ATP6V1E1: variants seen among roughly 807,000 people sequenced by gnomAD.
The protein encoded by ATP6V1E1 is V-type proton ATPase subunit E 1.
A neutral mutation model predicts 35.2 loss-of-function variants in ATP6V1E1; 21 were observed. That is an observed-to-expected ratio of 0.60 (90% CI 0.42 to 0.86). The LOEUF (loss-of-function observed/expected upper bound fraction) is 0.86. ATP6V1E1 is among the 40% of genes least tolerant of loss of function. The probability of loss-of-function intolerance (pLI) is 0.00; values close to 1 mark genes in which losing one functional copy is unlikely to be tolerated. For synonymous variants in ATP6V1E1, 83 were observed against 87.8 expected, an observed-to-expected ratio of 0.95 and a Z score of 0.30; for missense variants, 183 against 272.6, an observed-to-expected ratio of 0.67 and a Z score of 2.32.
intron 1 of ATP6V1E1, among the ~76,000 whole-genome samples, chr22:17,621,978 C>T (rs1386167327): frequency 2.6e-5 from 4 of 152,054 alleles, no homozygotes; most frequent in South Asian, 2.1e-4. Flanking sequence ...TGAAGGCTTC[C>T]GAATGGGGCT....
intron 7 of ATP6V1E1, 187 bp downstream of exon 7, chr22:17,598,007 C>T: frequency 1.8e-6 from 1 of 566,860 alleles, no homozygotes; most frequent in South Asian, 2.2e-5. Flanking sequence ...ATTTAGCCAG[C>T]CAACAAGGGA....
intron 7 of ATP6V1E1, 72 bp from the exon 8 acceptor site, chr22:17,594,688 C>T (rs745471844): frequency 1.0e-5 from 13 of 1,268,864 alleles, no homozygotes; most frequent in African/African-American, 6.1e-5. Flanking sequence ...CCTTTACTCC[C>T]GCAGAGGAAT....
chr22:17,592,875 C>T, intron 8 of ATP6V1E1, 139 bp from the exon 9 acceptor site: 1 of 726,698 alleles, frequency 1.4e-6, no homozygotes, highest in Non-Finnish European at 2.3e-6. Context: ...CATCTCCGCT[C>T]ATTGCAAGCT....
intron 2 of ATP6V1E1, among the ~76,000 whole-genome samples, chr22:17,615,713 C>T (rs1236049422): frequency 6.6e-6 from 1 of 151,926 alleles, no homozygotes; most frequent in Non-Finnish European, 1.5e-5. Context: ...GTCTGGCCAA[C>T]ATGGTGAAAC....
chr22:17,606,253 T>C (rs1414692310), intron 4 of ATP6V1E1, among the ~76,000 whole-genome samples: 3 of 152,234 alleles, frequency 2.0e-5, no homozygotes, highest in Non-Finnish European at 4.4e-5. Context: ...TTTGTCAATA[T>C]CCTTTTCTAA....
intron 4 of ATP6V1E1, among the ~76,000 whole-genome samples, chr22:17,608,681 G>GC (rs2057797980): frequency 6.6e-6 from 1 of 152,172 alleles, no homozygotes; most frequent in African/African-American, 2.4e-5. Flanking sequence ...TCCCACCTTG[G>GC]CCTCATAAAG....
chr22:17,614,684 G>T (rs2057833457), intron 2 of ATP6V1E1, among the ~76,000 whole-genome samples: 1 of 131,758 alleles, frequency 7.6e-6, no homozygotes, highest in African/African-American at 2.9e-5. Context: ...AAAAAAAAAA[G>T]TTGCCTGGGC....
chr22:17,600,641 T>C (rs1601375799), intron 5 of ATP6V1E1: 4 of 154,736 alleles, frequency 2.6e-5, no homozygotes, highest in Admixed American at 1.3e-4. Flanking sequence ...GCAGACATCT[T>C]ATATTACATC....
intron 1 of ATP6V1E1, among the ~76,000 whole-genome samples, chr22:17,627,979 G>T (rs2057928232): frequency 6.9e-6 from 1 of 144,602 alleles, no homozygotes; most frequent in East Asian, 2.0e-4. Flanking sequence ...GACAAGGCTG[G>T]TTTGTTTTTT....
intron 4 of ATP6V1E1, among the ~76,000 whole-genome samples, chr22:17,601,392 C>T (rs992858751): frequency 2.6e-5 from 4 of 152,138 alleles, no homozygotes; most frequent in African/African-American, 7.2e-5. Context: ...AGGGAGTCCA[C>T]GGCCTAGCAG....
chr22:17,615,409 C>T (rs1249423217), intron 2 of ATP6V1E1, among the ~76,000 whole-genome samples: 2 of 152,004 alleles, frequency 1.3e-5, no homozygotes, highest in African/African-American at 2.4e-5. Flanking sequence ...CTTTGGGAGG[C>T]CGAGGTAGGC....
At chr22:17,611,889 T>A (rs1224372221) in intron 4 of ATP6V1E1, among the ~76,000 whole-genome samples, 1 of 152,232 alleles carries the variant, frequency 6.6e-6, no homozygotes, top group African/African-American at 2.4e-5. Flanking sequence ...TGTCTTCCAT[T>A]TTTTCAAGTT....
chr22:17,610,023 T>C (rs996710998), intron 4 of ATP6V1E1, among the ~76,000 whole-genome samples: 3 of 152,082 alleles, frequency 2.0e-5, no homozygotes, highest in South Asian at 4.1e-4. Flanking sequence ...CCCAGCTACA[T>C]AGGAGGCTGA....
At chr22:17,619,107 C>T (rs959764341) in intron 2 of ATP6V1E1, 5 of 454,382 alleles carry the variant, frequency 1.1e-5, no homozygotes, top group African/African-American at 8.0e-5. Flanking sequence ...TCCTGGCCAA[C>T]ACGGTGAAAC....
chr22:17,605,448 T>G (rs930869048), intron 4 of ATP6V1E1, among the ~76,000 whole-genome samples: 3 of 151,822 alleles, frequency 2.0e-5, no homozygotes, highest in Non-Finnish European at 4.4e-5. Context: ...GAGAATCACT[T>G]GAACCCAGGA....
chr22:17,592,562 G>T lies in ATP6V1E1; in HGVS notation c.*112C>A. ...GAGGGGCATCGCTGATAAATACAGA[G>T]CAATACTGGGGCAGTGAAGAGGAAG... is the stretch of plus-strand genomic sequence containing the variant. On this transcript the variant is annotated 3_prime_UTR_variant, in exon 9 of 9. Coordinates refer to ENST00000253413, the MANE Select transcript of ATP6V1E1 (RefSeq NM_001696.4). The T allele has an allele frequency of 9.1e-7, 1 of 1,099,774 alleles. No homozygotes were observed. Among genetic ancestry groups the T allele is most frequent in the African/African-American group, 1.6e-5 (1 of 64,234 alleles). The allele number at this position is 1,099,774 out of a possible 1,614,324, so 68.1% of individuals were successfully genotyped here.
At chr22:17,613,347 T>A (rs976952211) in intron 2 of ATP6V1E1, 27 bp from the exon 3 acceptor site, 9 of 1,583,832 alleles carry the variant, frequency 5.7e-6, no homozygotes, top group Non-Finnish European at 7.8e-6. Flanking sequence ...CAATATTAAT[T>A]CATTACATCA....
chr22:17,606,317 G>A (rs527565709), intron 4 of ATP6V1E1, among the ~76,000 whole-genome samples: 2 of 152,124 alleles, frequency 1.3e-5, no homozygotes, highest in East Asian at 1.9e-4. Context: ...GATAAAACTA[G>A]AAGTAAAAAG....
chr22:17,596,123 C>T (rs1032182508), intron 7 of ATP6V1E1, among the ~76,000 whole-genome samples: 41 of 146,790 alleles, frequency 2.8e-4, no homozygotes, highest in African/African-American at 9.9e-4. Context: ...GAGTGAGACT[C>T]TGTCTCAAAA....
Sources: allele counts gnomAD v4.1 joint callset (sites outside exome capture counted in the v4.1 genomes callset), GRCh38; gene constraint gnomAD v4.1.1; transcripts MANE v1.5; gene names NCBI Gene and HGNC (gene_info 2026-07-23, HGNC 2026-07-21).